Variants in DMRT1 observed in about 807,000 individuals in gnomAD.
DMRT1 encodes doublesex and mab-3 related transcription factor 1.
DMRT1 carries 7 observed loss-of-function variants against 32.3 expected under a neutral mutation model. That is an observed-to-expected ratio of 0.22 (90% confidence interval 0.12 to 0.41). The LOEUF (loss-of-function observed/expected upper bound fraction) is 0.41, where lower values mean the gene tolerates loss of function less well. Ranked by LOEUF, DMRT1 falls within the 10% of genes least tolerant of loss-of-function variation. DMRT1 has a pLI of 1.00. For synonymous variants in DMRT1, 278 were observed against 206.1 expected (o/e 1.35, Z -2.99); for missense variants, 625 against 500.5 (o/e 1.25, Z -2.37).
At position 878,431 on chromosome 9, in the gene DMRT1, GT is replaced by G. The variant is rs1301037189; in HGVS notation, c.539-15478del. Among the ~76,000 whole-genome samples, 19 of 152,266 alleles carry G rather than the reference GT, an allele frequency of 1.2e-4. No individual in the cohort carries two copies. In the East Asian group the frequency reaches 3.5e-3, roughly 28 times the overall value. On this transcript the variant is annotated intron_variant, in intron 2 of 4. Coordinates refer to ENST00000382276, the MANE Select transcript of DMRT1 (RefSeq NM_021951.3). Reference sequence around the variant, plus strand: ...GCAGTTGTTGCTTTCCTGGCGCCAGGTTTGTGTTTGACGTTTAAAATAGCCC... The same window carrying G: ...GCAGTTGTTGCTTTCCTGGCGCCAGGTTGTGTTTGACGTTTAAAATAGCCC...
Position 931,593 on chromosome 9 carries a change from T to G in DMRT1, c.967+14686T>G, listed in dbSNP as rs543565454. ...AGATCAAGGTGCTGTCAGAGTTGCT[T>G]TCCGGTAAGGCTTCTCTCCTGGGTT... On this transcript the variant is annotated intron_variant, in intron 4 of 4. Transcript: ENST00000382276. 2.0e-5 allele frequency among the ~76,000 whole-genome samples: 3 copies of G among 152,312 alleles called. No individual in the cohort carries two copies. In the South Asian group the frequency reaches 6.2e-4, roughly 32 times the overall value.
intron 2 of DMRT1, among the ~76,000 whole-genome samples, chr9:887,026 T>C (rs147801973): frequency 3.5e-4 from 54 of 152,334 alleles, no homozygotes; most frequent in African/African-American, 9.9e-4. Flanking sequence ...ATGACAGATA[T>C]TAACAATGTA....
chr9:951,050 A>G (rs958731677), intron 4 of DMRT1, among the ~76,000 whole-genome samples: 13 of 152,164 alleles, frequency 8.5e-5, no homozygotes, highest in African/African-American at 2.9e-4. Context: ...TCTCAATTTT[A>G]TCTGATTCAG....
chr9:955,115 C>T (rs1371261691), intron 4 of DMRT1, among the ~76,000 whole-genome samples: 1 of 152,058 alleles, frequency 6.6e-6, no homozygotes, highest in Non-Finnish European at 1.5e-5. Flanking sequence ...AAGAGGTGGT[C>T]AGTGGAGTGG....
chr9:851,815 A>AAT (rs1296842125), intron 2 of DMRT1, among the ~76,000 whole-genome samples: 1 of 152,126 alleles, frequency 6.6e-6, no homozygotes, highest in Non-Finnish European at 1.5e-5. Flanking sequence ...ACGAGTGTAA[A>AAT]ATATTTTTGT....
chr9:960,700 C>T (rs1414971352), intron 4 of DMRT1, among the ~76,000 whole-genome samples: 1 of 152,226 alleles, frequency 6.6e-6, no homozygotes, highest in Non-Finnish European at 1.5e-5. Flanking sequence ...CCCAGCCTGA[C>T]AGGTACTCCT....
At chr9:960,907 A>G (rs1049390512) in intron 4 of DMRT1, among the ~76,000 whole-genome samples, 5 of 152,196 alleles carry the variant, frequency 3.3e-5, no homozygotes, top group African/African-American at 1.2e-4. Context: ...AAGTGACGCT[A>G]GGAACAGGGC....
intron 2 of DMRT1, among the ~76,000 whole-genome samples, chr9:869,541 A>G (rs1211890914): frequency 2.0e-5 from 3 of 152,176 alleles, no homozygotes; most frequent in African/African-American, 7.2e-5. Context: ...GATTACTTTT[A>G]CTGTAAACTG....
chr9:944,444 TC>T (rs1819177373), intron 4 of DMRT1, among the ~76,000 whole-genome samples: 1 of 152,162 alleles, frequency 6.6e-6, no homozygotes, highest in Non-Finnish European at 1.5e-5. Flanking sequence ...AGCAGCTCAC[TC>T]CCCTCTTGCT....
At chr9:896,108 T>G (rs148265043) in intron 3 of DMRT1, among the ~76,000 whole-genome samples, 1 of 151,850 alleles carries the variant, frequency 6.6e-6, no homozygotes, top group African/African-American at 2.4e-5. Context: ...CAGCCGTAAT[T>G]GAAACTTTTT....
chr9:904,289 A>T (rs1817690410), intron 3 of DMRT1, among the ~76,000 whole-genome samples: 2 of 152,344 alleles, frequency 1.3e-5, no homozygotes, highest in South Asian at 4.1e-4. Flanking sequence ...TGTTAAGTAG[A>T]CATGAATATG....
chr9:845,002 G>A (rs562153260), intron 1 of DMRT1, among the ~76,000 whole-genome samples: 306 of 152,178 alleles, frequency 2.0e-3, no homozygotes, highest in Non-Finnish European at 3.5e-3. Context: ...GATTACAGGC[G>A]TGAGCCACTG....
chr9:941,336 C>CACACA (rs554509544), intron 4 of DMRT1, among the ~76,000 whole-genome samples: 17 of 118,218 alleles, frequency 1.4e-4, no homozygotes, highest in African/African-American at 6.9e-4. Context: ...CCCTCCCCCC[C>CACACA]CCCACACATA....
chr9:854,090 T>C (rs28681664), intron 2 of DMRT1, among the ~76,000 whole-genome samples: 6,063 of 150,520 alleles, frequency 0.04, 339 homozygotes, highest in African/African-American at 0.12. Flanking sequence ...GGATTACAGG[T>C]GTGAGCCTAC....
intron 2 of DMRT1, among the ~76,000 whole-genome samples, chr9:864,289 C>T (rs1815863184): frequency 6.6e-6 from 1 of 150,406 alleles, no homozygotes; most frequent in Non-Finnish European, 1.5e-5. Context: ...ACTGCAGCCT[C>T]TGCCTCTCAG....
In DMRT1 at chr9:916,810, G is replaced by A. The variant is rs1294916135; in HGVS notation, c.870G>A (p.Met290Ile). The A allele has an allele frequency of 2.5e-6, 4 of 1,614,228 alleles. No homozygotes were observed. In the South Asian group the frequency reaches 3.3e-5, roughly 13 times the overall value. ...ATGCAATGAGCTCCCAGTACAGGAT[G>A]CATTCTTACTACCCGCCTCCCTCTT... ...NRHAMSSQYR[M>I]HSYYPPPSYL... The change falls in exon 4 of 5, where the codon ATG (methionine) becomes ATA (isoleucine). Residue 290 changes from methionine (M) to isoleucine (I), a missense_variant. Around this residue, in one of 3 missense-constraint regions of DMRT1, gnomAD observed 416 missense variants for 321.6 expected, o/e 1.29. Coordinates refer to ENST00000382276, the MANE Select transcript of DMRT1 (RefSeq NM_021951.3).
intron 1 of DMRT1, among the ~76,000 whole-genome samples, chr9:846,173 A>G (rs1174629919): frequency 1.3e-5 from 2 of 151,328 alleles, no homozygotes; most frequent in Admixed American, 1.3e-4. Context: ...CTGGGACTAC[A>G]GGTGGGCTAA....
intron 4 of DMRT1, among the ~76,000 whole-genome samples, chr9:966,672 AT>A (rs1367000350): frequency 6.6e-6 from 1 of 152,156 alleles, no homozygotes; most frequent in Admixed American, 6.5e-5. Flanking sequence ...CTGTTCTTTT[AT>A]TTCTGTGTGG....
At chr9:846,128 T>C (rs960165970) in intron 1 of DMRT1, among the ~76,000 whole-genome samples, 4 of 150,846 alleles carry the variant, frequency 2.7e-5, no homozygotes, top group African/African-American at 9.7e-5. Context: ...GCCTCCTGGG[T>C]TCAAGCAATT....
Sources: allele counts gnomAD v4.1 joint callset (sites outside exome capture counted in the v4.1 genomes callset), GRCh38; gene constraint gnomAD v4.1.1; regional missense constraint gnomAD v4.1.1; transcripts MANE v1.5; gene names NCBI Gene and HGNC (gene_info 2026-07-23, HGNC 2026-07-21).